The following MINDY2 variants were observed in gnomAD, a reference collection of about 807,000 sequenced individuals.
MINDY2 encodes MINDY lysine 48 deubiquitinase 2.
Under a neutral mutation model 68.2 loss-of-function variants are expected in MINDY2, and 52 were observed. The ratio of observed to expected loss-of-function variants is 0.76; its 90% CI spans 0.61 to 0.96. The LOEUF is 0.96. Among genes scored for constraint, MINDY2 ranks in the 40% least tolerant of loss-of-function variants. MINDY2 has a pLI of 0.00. For missense variants in MINDY2, 881 were observed against 773.4 expected (o/e 1.14, Z -1.65); for synonymous variants, 372 against 303.0 (o/e 1.23, Z -2.36).
chr15:58,799,925 G>C (rs1467595120), intron 2 of MINDY2, among the ~76,000 whole-genome samples: 1 of 152,212 alleles, frequency 6.6e-6, no homozygotes. Context: ...TGTGACTTCA[G>C]CCATCTAAAA....
At chr15:58,818,829 TG>T (rs558846248) in intron 4 of MINDY2, among the ~76,000 whole-genome samples, 26 of 152,018 alleles carry the variant, frequency 1.7e-4, no homozygotes, top group African/African-American at 6.0e-4. Flanking sequence ...TTTGTAGAGA[TG>T]GGGTTTCCTC....
chr15:58,813,506 A>G (rs2030448431), intron 4 of MINDY2, among the ~76,000 whole-genome samples: 1 of 152,214 alleles, frequency 6.6e-6, no homozygotes, highest in African/African-American at 2.4e-5. Flanking sequence ...AAACTGCTGT[A>G]AACATTTGTG....
At chr15:58,837,236 G>T (rs933960574) in intron 6 of MINDY2, among the ~76,000 whole-genome samples, 2 of 152,010 alleles carry the variant, frequency 1.3e-5, no homozygotes, top group Non-Finnish European at 2.9e-5. Context: ...ATAAACTTGA[G>T]CCCCAGAGAA....
intron 6 of MINDY2, among the ~76,000 whole-genome samples, chr15:58,834,713 A>G (rs1466974653): frequency 1.3e-5 from 2 of 152,210 alleles, no homozygotes; most frequent in Admixed American, 1.3e-4. Flanking sequence ...ATTTTTTTCT[A>G]AATGAAAGTG....
rs1006063444 is a variant in MINDY2, at chr15:58,860,180, G to A, written c.*5570G>A. 2.6e-5 allele frequency: 4 copies of A among 152,178 alleles called. No homozygotes were observed. The highest frequency in any genetic ancestry group is 5.9e-5 in the Non-Finnish European group (4 of 68,024). The allele number at this position is 152,178 out of a possible 1,614,324, so 9.4% of individuals were successfully genotyped here. ...TGTAATATCCTGCTTTGAGAAGAAA[G>A]AATGCCTCATAAATTAGAGAAGGAC... On this transcript the variant is annotated 3_prime_UTR_variant, in exon 9 of 9. Transcript: ENST00000559228.
chr15:58,803,373 C>T (rs1251608550), intron 3 of MINDY2, among the ~76,000 whole-genome samples: 1 of 151,318 alleles, frequency 6.6e-6, no homozygotes, highest in East Asian at 1.9e-4. Flanking sequence ...GAGGCTGAGG[C>T]AGGAGAATCA....
intron 5 of MINDY2, among the ~76,000 whole-genome samples, chr15:58,831,146 C>A (rs2031707984): frequency 6.6e-6 from 1 of 151,192 alleles, no homozygotes; most frequent in Admixed American, 6.6e-5. Context: ...GAACTTGATA[C>A]ATCTACATGA....
intron 3 of MINDY2, among the ~76,000 whole-genome samples, chr15:58,809,388 T>C: frequency 6.6e-6 from 1 of 151,596 alleles, no homozygotes; most frequent in Admixed American, 6.6e-5. Flanking sequence ...CATCTGGTTG[T>C]AGCATCTGAC....
intron 6 of MINDY2, among the ~76,000 whole-genome samples, chr15:58,833,786 A>C (rs1348378644): frequency 6.6e-6 from 1 of 151,822 alleles, no homozygotes; most frequent in Admixed American, 6.6e-5. Flanking sequence ...TCCATTGCTC[A>C]GGGACAAGCA....
Position 58,851,754 on chromosome 15 carries a change from A to G in MINDY2, c.1543-17A>G. ...TAAAATCTCATAGCTAATGATGGTT[A>G]TAATTTAATTTATTAGGATTATCTT... On this transcript the variant is annotated splice_polypyrimidine_tract_variant and intron_variant, in intron 7 of 8. Coordinates refer to ENST00000559228, the MANE Select transcript of MINDY2 (RefSeq NM_001040450.3). 6.5e-7 allele frequency: 1 copy of G among 1,532,948 alleles called. No homozygotes were observed. The highest frequency in any genetic ancestry group is 1.3e-5 in the South Asian group (1 of 78,942). 95.0% of individuals were successfully genotyped at this position (1,532,948 alleles called of 1,614,324 possible). A position where few individuals can be genotyped will look rare whatever the true frequency, so the allele number is the denominator to read the frequency against.
chr15:58,774,425 G>A (rs983854694), intron 1 of MINDY2, among the ~76,000 whole-genome samples: 12 of 150,666 alleles, frequency 8.0e-5, no homozygotes, highest in African/African-American at 2.7e-4. Flanking sequence ...TGGAGGTTGC[G>A]GTTAGCCGAG....
chr15:58,787,864 C>G (rs760065481), intron 1 of MINDY2, 42 bp from the exon 2 acceptor site: 24 of 1,415,286 alleles, frequency 1.7e-5, no homozygotes, highest in Non-Finnish European at 2.1e-5. Context: ...CTTTAGTCAC[C>G]TAAAACATTT....
chr15:58,854,060 T>C (rs1326244142), intron 8 of MINDY2, among the ~76,000 whole-genome samples: 1 of 151,874 alleles, frequency 6.6e-6, no homozygotes, highest in African/African-American at 2.4e-5. Flanking sequence ...CTGGCCAACA[T>C]AGTGAAACCC....
intron 2 of MINDY2, among the ~76,000 whole-genome samples, chr15:58,788,446 CTG>C (rs1443891656): frequency 6.6e-5 from 10 of 152,292 alleles, no homozygotes; most frequent in African/African-American, 2.4e-4. Context: ...AGTAAGCACA[CTG>C]TTTATTTCAA....
chr15:58,788,463 A>C (rs952707219), intron 2 of MINDY2, among the ~76,000 whole-genome samples: 4 of 152,180 alleles, frequency 2.6e-5, no homozygotes, highest in African/African-American at 7.2e-5. Flanking sequence ...TTTCAACTGA[A>C]ATTTTTTTAT....
At chr15:58,826,283 A>G (rs1214722986) in intron 5 of MINDY2, among the ~76,000 whole-genome samples, 1 of 132,846 alleles carries the variant, frequency 7.5e-6, no homozygotes, top group South Asian at 2.3e-4. Context: ...AGGCTGGAGT[A>G]CAATGGCGCA....
chr15:58,858,809 TAG>T lies in MINDY2; in HGVS notation c.*4200_*4201del, dbSNP rs1182899076. 3.3e-5 allele frequency: 5 copies of T among 152,122 alleles called. No homozygotes were observed. The East Asian group carries it at 9.6e-4, about 29-fold the overall frequency. The allele number at this position is 152,122 out of a possible 1,614,324, so 9.4% of individuals were successfully genotyped here. A position where few individuals can be genotyped will look rare whatever the true frequency, so the allele number is the denominator to read the frequency against. ...TAAAATAAGATGGAGGCATTACAAA[TAG>T]TCTACAGTTTGTATTTTAAGGAATT... On this transcript the variant is annotated 3_prime_UTR_variant, in exon 9 of 9. Coordinates refer to ENST00000559228, the MANE Select transcript of MINDY2 (RefSeq NM_001040450.3).
At chr15:58,817,874 A>G (rs1257784660) in intron 4 of MINDY2, 1 of 152,252 alleles carries the variant, frequency 6.6e-6, no homozygotes, top group Non-Finnish European at 1.5e-5. Context: ...GATGCTAAGC[A>G]TTCCTTAAGA....
intron 2 of MINDY2, among the ~76,000 whole-genome samples, chr15:58,790,120 C>G (rs1232966651): frequency 6.6e-6 from 1 of 152,144 alleles, no homozygotes; most frequent in Non-Finnish European, 1.5e-5. Context: ...TCATTTAATC[C>G]CCATTCACTG....
Sources: allele counts gnomAD v4.1 joint callset (sites outside exome capture counted in the v4.1 genomes callset), GRCh38; gene constraint gnomAD v4.1.1; transcripts MANE v1.5; gene names NCBI Gene and HGNC (gene_info 2026-07-23, HGNC 2026-07-21).